The following PARD3B variants were observed in gnomAD, a reference collection of about 807,000 sequenced individuals.
PARD3B encodes par-3 family cell polarity regulator beta, also known as partitioning defective 3 homolog B.
PARD3B carries 103 observed loss-of-function variants against 130.2 expected under a neutral mutation model. The observed-to-expected ratio is 0.79, with a 90% confidence interval of 0.67 to 0.93. The LOEUF is 0.93. PARD3B is among the 40% of genes least tolerant of loss of function. PARD3B has a pLI of 0.00. For synonymous variants in PARD3B, 583 were observed against 553.2 expected, an observed-to-expected ratio of 1.05 and a Z score of -0.76; for missense variants, 1,609 against 1,499.2, an observed-to-expected ratio of 1.07 and a Z score of -1.21.
intron 1 of PARD3B, among the ~76,000 whole-genome samples, chr2:204,595,289 C>T (rs772452441): frequency 2.0e-5 from 3 of 152,202 alleles, no homozygotes; most frequent in Non-Finnish European, 4.4e-5. Context: ...GCAGTGGAAA[C>T]ACTTCTCTGT....
intron 2 of PARD3B, among the ~76,000 whole-genome samples, chr2:204,961,080 C>T (rs1041859383): frequency 7.9e-5 from 12 of 152,078 alleles, no homozygotes; most frequent in South Asian, 2.1e-4. Context: ...CAGAACACGA[C>T]GTCAGAAATG....
rs570764938 is a variant in PARD3B at position 204,870,976 on chromosome 2, A to G, written c.223-94176A>G. 4.6e-5 allele frequency among the ~76,000 whole-genome samples: 7 copies of G among 152,274 alleles called. No homozygotes were observed. The East Asian group carries it at 1.4e-3, about 29-fold the overall frequency. ...ATTTTTAAAACATAATAAAAGATTT[A>G]TGCTTTTTAATTTTGTATCATCAAA... On this transcript the variant is annotated intron_variant, in intron 2 of 22. Coordinates refer to ENST00000406610, the MANE Select transcript of PARD3B (RefSeq NM_001302769.2).
rs138682279 is a variant in PARD3B, at chr2:204,736,053, G to C, written c.222+49771G>C. Among the ~76,000 whole-genome samples, 470 of 152,114 alleles carry C rather than the reference G, an allele frequency of 3.1e-3. 7 individuals are homozygous for C. The highest frequency in any genetic ancestry group is 0.011 in the African/African-American group (446 of 41,514). On this transcript the variant is annotated intron_variant, in intron 2 of 22. Coordinates refer to ENST00000406610, the MANE Select transcript of PARD3B (RefSeq NM_001302769.2). The stretch of plus-strand genomic sequence containing the variant: ...ACTCTTTGAGACTTTTGATTCTTAA[G>C]TGATGTGACCATTTAAGAAGGCACA...
chr2:205,188,783 CAAAAAA>C (rs68034154), intron 14 of PARD3B, among the ~76,000 whole-genome samples: 9 of 97,402 alleles, frequency 9.2e-5, no homozygotes, highest in African/African-American at 3.0e-4. Flanking sequence ...TTCTGCCTTT[CAAAAAA>C]AAAAAAAAAA....
chr2:204,786,342 G>C (rs945761653), intron 2 of PARD3B, among the ~76,000 whole-genome samples: 11 of 151,896 alleles, frequency 7.2e-5, no homozygotes, highest in African/African-American at 2.4e-4. Context: ...TCTTTATTTT[G>C]AATTCTGTTG....
chr2:204,903,583 T>A (rs553591397), intron 2 of PARD3B, among the ~76,000 whole-genome samples: 2 of 152,292 alleles, frequency 1.3e-5, no homozygotes, highest in Non-Finnish European at 2.9e-5. Flanking sequence ...AAGAGAAACC[T>A]TCCTAATTTG....
intron 20 of PARD3B, among the ~76,000 whole-genome samples, chr2:205,447,282 G>C (rs888393078): frequency 2.1e-5 from 3 of 145,684 alleles, no homozygotes; most frequent in Admixed American, 2.0e-4. Context: ...GGGTGGTAGG[G>C]ACCTATCCTG....
intron 2 of PARD3B, among the ~76,000 whole-genome samples, chr2:204,800,779 CTT>C (rs1304035043): frequency 6.6e-6 from 1 of 152,186 alleles, no homozygotes; most frequent in Non-Finnish European, 1.5e-5. Context: ...GTCATGAAGT[CTT>C]TGCCCATGCC....
intron 18 of PARD3B, among the ~76,000 whole-genome samples, chr2:205,357,079 A>G (rs1314722227): frequency 2.0e-5 from 3 of 152,200 alleles, no homozygotes; most frequent in Non-Finnish European, 2.9e-5. Flanking sequence ...CTAGCTTCTT[A>G]TAATACTGAA....
chr2:205,104,419 A>G lies in PARD3B; in HGVS notation c.505-7A>G. ...CATCACATGCTTATGACTTTGTTTC[A>G]CTATAGGATTCCACGCAGAACTTGG... is the stretch of plus-strand genomic sequence containing the variant. On this transcript the variant is annotated splice_polypyrimidine_tract_variant and splice_region_variant and intron_variant, in intron 4 of 22. Coordinates refer to ENST00000406610, the MANE Select transcript of PARD3B (RefSeq NM_001302769.2). 3 of 1,572,382 alleles carry G rather than the reference A, an allele frequency of 1.9e-6. No homozygotes were observed. The highest frequency in any genetic ancestry group is 2.6e-6 in the Non-Finnish European group (3 of 1,142,710).
At chr2:205,090,215 T>C (rs1244206259) in intron 4 of PARD3B, among the ~76,000 whole-genome samples, 3 of 152,192 alleles carry the variant, frequency 2.0e-5, no homozygotes, top group East Asian at 3.9e-4. Flanking sequence ...TTGGGCATAG[T>C]GCTGTGGGAG....
intron 20 of PARD3B, among the ~76,000 whole-genome samples, chr2:205,451,134 C>T (rs1028977244): frequency 6.6e-6 from 1 of 152,168 alleles, no homozygotes; most frequent in Non-Finnish European, 1.5e-5. Context: ...TCCTCTTCCT[C>T]TCTTGCCTTT....
intron 22 of PARD3B, among the ~76,000 whole-genome samples, chr2:205,613,810 C>A (rs1009162122): frequency 6.6e-6 from 1 of 152,162 alleles, no homozygotes; most frequent in Non-Finnish European, 1.5e-5. Flanking sequence ...GAGCTGGGAG[C>A]TTGTCAAATC....
chr2:204,551,859 G>C (rs554465728), intron 1 of PARD3B, among the ~76,000 whole-genome samples: 4 of 152,284 alleles, frequency 2.6e-5, no homozygotes, highest in African/African-American at 9.6e-5. Flanking sequence ...GACATCTGAG[G>C]AGTGTGTTAA....
chr2:205,198,241 A>C (rs760034901), intron 15 of PARD3B, among the ~76,000 whole-genome samples: 3 of 152,192 alleles, frequency 2.0e-5, no homozygotes, highest in African/African-American at 4.8e-5. Flanking sequence ...AGTTTGGAGA[A>C]GGCTAAGGGC....
chr2:204,733,004 C>T (rs2039583299), intron 2 of PARD3B, among the ~76,000 whole-genome samples: 1 of 151,820 alleles, frequency 6.6e-6, no homozygotes, highest in Admixed American at 6.6e-5. Flanking sequence ...TTTTTTTTTA[C>T]TTGATAAAGG....
chr2:204,651,823 A>C (rs955830653), intron 1 of PARD3B, among the ~76,000 whole-genome samples: 1 of 152,132 alleles, frequency 6.6e-6, no homozygotes, highest in Non-Finnish European at 1.5e-5. Flanking sequence ...CCCAAAGCTC[A>C]CCTTTTGCCC....
intron 16 of PARD3B, among the ~76,000 whole-genome samples, chr2:205,270,959 G>A (rs919151147): frequency 7.2e-5 from 11 of 151,962 alleles, no homozygotes; most frequent in Non-Finnish European, 1.3e-4. Context: ...GGATTTTCTC[G>A]CCTCTCCTCC....
chr2:204,694,141 A>G (rs1218476053), intron 2 of PARD3B, among the ~76,000 whole-genome samples: 1 of 152,068 alleles, frequency 6.6e-6, no homozygotes, highest in East Asian at 1.9e-4. Flanking sequence ...ACAAAGCACT[A>G]TATACGTGTA....
Sources: allele counts gnomAD v4.1 joint callset (sites outside exome capture counted in the v4.1 genomes callset), GRCh38; gene constraint gnomAD v4.1.1; transcripts MANE v1.5; gene names NCBI Gene and HGNC (gene_info 2026-07-23, HGNC 2026-07-21).